The following PSPC1 variants were observed in gnomAD, a reference collection of about 807,000 sequenced individuals.
PSPC1 encodes the protein paraspeckle protein 1.
A neutral mutation model predicts 51.6 loss-of-function variants in PSPC1; 14 were observed. The ratio of observed to expected loss-of-function variants is 0.27; its 90% CI spans 0.18 to 0.42. The LOEUF (loss-of-function observed/expected upper bound fraction) is 0.42, where lower values mean the gene tolerates loss of function less well. Ranked by LOEUF, PSPC1 falls within the 10% of genes least tolerant of loss-of-function variation. The pLI is 1.00. For synonymous variants in PSPC1, 193 were observed against 231.9 expected (o/e 0.83, Z 1.53); for missense variants, 406 against 701.1 (o/e 0.58, Z 4.75).
At chr13:19,700,648 T>G (rs1565971783), downstream of PSPC1, among the ~76,000 whole-genome samples, 3 of 152,124 alleles carry the variant, frequency 2.0e-5, no homozygotes, top group Non-Finnish European at 4.4e-5. Flanking sequence ...CTTTATTTTA[T>G]ACACACTAAT....
intron 6 of PSPC1, chr13:19,677,917 A>G: frequency 6.7e-6 from 3 of 444,736 alleles, no homozygotes; most frequent in South Asian, 4.8e-5. Context: ...GTAAATTCAT[A>G]ACAGTAATTG....
chr13:19,779,339 G>T (rs1889608989), intron 1 of PSPC1, among the ~76,000 whole-genome samples: 1 of 110,666 alleles, frequency 9.0e-6, no homozygotes, highest in Non-Finnish European at 2.0e-5. Context: ...TGGGGGGTCA[G>T]CCCCCCCGCC....
At chr13:19,739,653 G>T (rs972983515) in intron 5 of PSPC1, among the ~76,000 whole-genome samples, 1 of 152,020 alleles carries the variant, frequency 6.6e-6, no homozygotes. Flanking sequence ...TGAGGCAGGA[G>T]AATCACTGGG....
chr13:19,729,013 T>G (rs1427701888), intron 6 of PSPC1, among the ~76,000 whole-genome samples: 1 of 152,174 alleles, frequency 6.6e-6, no homozygotes, highest in Non-Finnish European at 1.5e-5. Flanking sequence ...TTCTTTCTTT[T>G]GCAATAACCC....
At chr13:19,772,595 C>T (rs1170833571) in intron 1 of PSPC1, 52 bp from the exon 2 acceptor site, 1 of 1,523,882 alleles carries the variant, frequency 6.6e-7, no homozygotes. Context: ...AGAAAAAATT[C>T]AAAACAGTGT....
At chr13:19,771,779 C>T (rs1888651813) in intron 2 of PSPC1, among the ~76,000 whole-genome samples, 1 of 152,082 alleles carries the variant, frequency 6.6e-6, no homozygotes, top group African/African-American at 2.4e-5. Flanking sequence ...CACCACCACG[C>T]CCGGCTAATT....
In PSPC1 at chr13:19,772,257, G is replaced by A. The variant is rs1888690755; in HGVS notation, c.659C>T (p.Ala220Val). Reference protein sequence around the residue: ...RKALERCGDGAFLLTTTPRPV... With the variant: ...RKALERCGDGVFLLTTTPRPV... The stretch of plus-strand genomic sequence containing the variant: ...TAAAACTTACGTTGTTAGCAAGAAT[G>A]CCCCATCACCACATCTTTCCAGAGC... The change falls in exon 2 of 9, where the codon GCA becomes GTA. Residue 220 changes from alanine (A) to valine (V), a missense_variant. This residue lies in a region of PSPC1 where 180 missense variants were observed against 337.9 expected (regional missense o/e 0.53). Transcript: ENST00000338910. The A allele has an allele frequency of 6.2e-7, 1 of 1,612,954 alleles. No individual in the cohort carries two copies. Among genetic ancestry groups the A allele is most frequent in the Non-Finnish European group, 8.5e-7 (1 of 1,179,248 alleles).
chr13:19,776,698 G>A (rs1486609441), intron 1 of PSPC1, among the ~76,000 whole-genome samples: 1 of 151,844 alleles, frequency 6.6e-6, no homozygotes, highest in Non-Finnish European at 1.5e-5. Context: ...TAGTAGAGAC[G>A]AGGTTTCACT....
chr13:19,685,049 T>C (rs749144185), intron 6 of PSPC1, among the ~76,000 whole-genome samples: 1 of 152,242 alleles, frequency 6.6e-6, no homozygotes, highest in Non-Finnish European at 1.5e-5. Context: ...TTGAGAAATT[T>C]AGACTATATA....
chr13:19,759,345 G>C lies in PSPC1; in HGVS notation c.748C>G (p.Gln250Glu). The C allele has an allele frequency of 6.2e-7, 1 of 1,613,804 alleles. No homozygotes were observed. Among genetic ancestry groups the C allele is most frequent in the Non-Finnish European group, 8.5e-7 (1 of 1,179,764 alleles). The change falls in exon 3 of 9, where the codon CAG (glutamine) becomes GAG (glutamate). Residue 250 changes from glutamine to glutamate, a missense_variant. By Grantham distance (29) the Gln-to-Glu change is conservative. Transcript: ENST00000338910. ...TACTTATGATATTGTTGAGTTTTCT[G>C]CATCAGCTTCTCTGGCAAGCCATCT... The part of the protein sequence containing the change: ...DEDGLPEKLM[Q>E]KTQQYHKERE...
chr13:19,718,962 G>T (rs1882445780), intron 6 of PSPC1, among the ~76,000 whole-genome samples: 1 of 152,160 alleles, frequency 6.6e-6, no homozygotes, highest in South Asian at 2.1e-4. Flanking sequence ...GTTGCCAAGG[G>T]TTAGGTGGAA....
rs879523563 is a variant in PSPC1 at position 19,682,902 on chromosome 13, T to TA, written c.1159-5080dup. On this transcript the variant is annotated intron_variant and NMD_transcript_variant, in intron 6 of 7. Transcript: ENST00000471658. Reference sequence around the variant, plus strand: ...CATAGTGAGAGACCCTGTCTCTCACTAAAAAAAAAAAATAAATTAGCCAGA... The same window carrying TA: ...CATAGTGAGAGACCCTGTCTCTCACTAAAAAAAAAAAAATAAATTAGCCAGA... Among the ~76,000 whole-genome samples, 666 of 141,048 alleles carry TA rather than the reference T, an allele frequency of 4.7e-3. 2 individuals carry two copies. Among genetic ancestry groups the TA allele is most frequent in the African/African-American group, 1.0e-2 (384 of 38,546 alleles). The allele number at this position is 141,048 out of a possible 152,430, so 92.5% of individuals were successfully genotyped here. A position where few individuals can be genotyped will look rare whatever the true frequency, so the allele number is the denominator to read the frequency against.
At chr13:19,672,579 C>T (rs972727156), downstream of PSPC1, 3 of 152,360 alleles carry the variant, frequency 2.0e-5, no homozygotes, top group Non-Finnish European at 2.9e-5. Context: ...TTCAAGTTAC[C>T]CAAGCACCAA....
At chr13:19,723,273 GAAGGT>G (rs928083107) in intron 6 of PSPC1, among the ~76,000 whole-genome samples, 13 of 152,054 alleles carry the variant, frequency 8.5e-5, no homozygotes, top group African/African-American at 2.7e-4. Flanking sequence ...AACTCTAACA[GAAGGT>G]AAGATCAAAA....
intron 3 of PSPC1, among the ~76,000 whole-genome samples, chr13:19,756,626 A>G (rs1008743591): frequency 6.6e-6 from 1 of 151,894 alleles, no homozygotes; most frequent in Non-Finnish European, 1.5e-5. Flanking sequence ...CAGCCTCCTG[A>G]GTAGCTAGAA....
At chr13:19,722,582 A>G (rs1444062589) in intron 6 of PSPC1, among the ~76,000 whole-genome samples, 1 of 151,868 alleles carries the variant, frequency 6.6e-6, no homozygotes, top group African/African-American at 2.4e-5. Flanking sequence ...TCACCTGAGG[A>G]CAGGGGTTCG....
At chr13:19,730,603 C>T (rs1219947277) in intron 5 of PSPC1, among the ~76,000 whole-genome samples, 6 of 151,866 alleles carry the variant, frequency 4.0e-5, no homozygotes, top group East Asian at 1.9e-4. Context: ...TAGTTATTTG[C>T]GTATATTCAA....
At chr13:19,722,086 T>C (rs1882837744) in intron 6 of PSPC1, among the ~76,000 whole-genome samples, 1 of 152,206 alleles carries the variant, frequency 6.6e-6, no homozygotes, top group African/African-American at 2.4e-5. Context: ...TAAGTAACTA[T>C]AATATGACAA....
chr13:19,709,415 G>C, intron 7 of PSPC1, 127 bp downstream of exon 7: 2 of 629,198 alleles, frequency 3.2e-6, no homozygotes, highest in Non-Finnish European at 5.5e-6. Context: ...ATGGATGTAA[G>C]AGATTTCACC....
Sources: allele counts gnomAD v4.1 joint callset (sites outside exome capture counted in the v4.1 genomes callset), GRCh38; gene constraint gnomAD v4.1.1; regional missense constraint gnomAD v4.1.1; transcripts MANE v1.5; gene names NCBI Gene and HGNC (gene_info 2026-07-23, HGNC 2026-07-21).